CLEC6A: variants seen among roughly 807,000 people sequenced by gnomAD.
CLEC6A encodes C-type lectin domain family 6 member A.
A neutral mutation model predicts 25.7 loss-of-function variants in CLEC6A; 22 were observed. The ratio of observed to expected loss-of-function variants is 0.85; its 90% CI spans 0.61 to 1.22. CLEC6A has a LOEUF of 1.22. Among genes scored for constraint, CLEC6A ranks in the 50% most tolerant of loss-of-function variants. The pLI is 0.00. For synonymous variants in CLEC6A, 92 were observed against 76.7 expected (o/e 1.20, Z -1.04); for missense variants, 240 against 236.8 (o/e 1.01, Z -0.09).
chr12:8,460,557 TC>T, intron 3 of CLEC6A: 1 of 830,950 alleles, frequency 1.2e-6, no homozygotes, highest in Non-Finnish European at 2.0e-6. Context: ...ACCATATCAG[TC>T]AGCTTCATGG....
chr12:8,463,972 G>A (rs994731020), intron 3 of CLEC6A, among the ~76,000 whole-genome samples: 18 of 152,080 alleles, frequency 1.2e-4, no homozygotes, highest in African/African-American at 4.1e-4. Context: ...AGCTCAACTG[G>A]CAAAGTCAGT....
chr12:8,459,758 G>A, intron 3 of CLEC6A, 60 bp downstream of exon 3: 1 of 1,051,436 alleles, frequency 9.5e-7, no homozygotes, highest in Non-Finnish European at 1.5e-6. Context: ...TCAGGGTTGA[G>A]CTCAAGATTG....
chr12:8,465,490 G>A lies in CLEC6A; in HGVS notation c.230G>A (p.Gly77Glu), dbSNP rs776380958. 1 of 1,613,846 alleles carries A rather than the reference G, an allele frequency of 6.2e-7. No homozygotes were observed. The highest frequency in any genetic ancestry group is 8.5e-7 in the Non-Finnish European group (1 of 1,179,916). The change falls in exon 4 of 6, where the codon GGA becomes GAA. Residue 77 changes from glycine (G) to glutamate (E), a missense_variant. Gly to Glu is a moderately conservative substitution (Grantham distance 98, BLOSUM62 -2). Transcript: ENST00000382073. The part of the protein sequence containing the change: ...FSEGTKVPAW[G>E]CCPASWKSFG... Reference sequence around the variant, plus strand: ...TCATGTAACACAAAAATAGCCTGGGGATGTTGCCCAGCTTCTTGGAAGTCA... The same window carrying A: ...TCATGTAACACAAAAATAGCCTGGGAATGTTGCCCAGCTTCTTGGAAGTCA...
chr12:8,475,696 G>C (rs897493522), intron 4 of CLEC6A, among the ~76,000 whole-genome samples: 1 of 152,160 alleles, frequency 6.6e-6, no homozygotes, highest in South Asian at 2.1e-4. Flanking sequence ...ACACTGGGGA[G>C]GGCAATCTAC....
intron 3 of CLEC6A, among the ~76,000 whole-genome samples, chr12:8,462,175 A>G (rs1939765681): frequency 6.6e-6 from 1 of 151,238 alleles, no homozygotes; most frequent in Non-Finnish European, 1.5e-5. Flanking sequence ...CATGCTCCTT[A>G]AGAGTCATCA....
intron 3 of CLEC6A, among the ~76,000 whole-genome samples, chr12:8,464,480 C>T (rs945613078): frequency 6.6e-6 from 1 of 152,158 alleles, no homozygotes; most frequent in East Asian, 1.9e-4. Flanking sequence ...AGGCGTCCGC[C>T]ACCACACCTG....
At chr12:8,459,141 A>C (rs1939717238) in intron 2 of CLEC6A, among the ~76,000 whole-genome samples, 1 of 152,138 alleles carries the variant, frequency 6.6e-6, no homozygotes, top group African/African-American at 2.4e-5. Flanking sequence ...TTTATTGATG[A>C]CTTTGTGACA....
At chr12:8,457,875 T>C (rs1939698500) in intron 1 of CLEC6A, 23 bp from the exon 2 acceptor site, 5 of 1,597,268 alleles carry the variant, frequency 3.1e-6, no homozygotes, top group Non-Finnish European at 4.3e-6. Context: ...GTAACTGCAT[T>C]TGTTGTCTTC....
At chr12:8,474,568 T>A (rs955753401) in intron 4 of CLEC6A, among the ~76,000 whole-genome samples, 2 of 152,156 alleles carry the variant, frequency 1.3e-5, no homozygotes, top group Non-Finnish European at 2.9e-5. Context: ...CCAGGAAAAC[T>A]TTCTTATTTA....
intron 3 of CLEC6A, among the ~76,000 whole-genome samples, chr12:8,460,332 T>C (rs61922366): frequency 1.3e-5 from 2 of 152,168 alleles, no homozygotes; most frequent in African/African-American, 4.8e-5. Context: ...ACATCTCACA[T>C]GGCAGCAGAC....
intron 4 of CLEC6A, among the ~76,000 whole-genome samples, chr12:8,474,998 A>G (rs920618237): frequency 1.3e-5 from 2 of 152,024 alleles, no homozygotes; most frequent in African/African-American, 2.4e-5. Flanking sequence ...CTCATCATTT[A>G]TATTAGGTAT....
At chr12:8,460,978 G>T (rs548471385) in intron 3 of CLEC6A, 9 of 1,073,868 alleles carry the variant, frequency 8.4e-6, no homozygotes, top group East Asian at 2.4e-5. Context: ...TTCTTACTGC[G>T]TTGGTGAAGA....
intron 1 of CLEC6A, among the ~76,000 whole-genome samples, 177 bp from the exon 2 acceptor site, chr12:8,457,721 A>G (rs4623978): frequency 0.75 from 114,277 of 152,202 alleles, 43,374 homozygotes; most frequent in East Asian, 0.99. Context: ...ATTCTTTTGG[A>G]CCACAGAGCT....
chr12:8,475,494 T>C (rs1203459283), intron 4 of CLEC6A, among the ~76,000 whole-genome samples: 1 of 152,036 alleles, frequency 6.6e-6, no homozygotes, highest in Non-Finnish European at 1.5e-5. Flanking sequence ...GCTGGTGGTG[T>C]AGGTCCAGTT....
chr12:8,475,298 C>T (rs1039126923), intron 4 of CLEC6A, among the ~76,000 whole-genome samples: 23 of 151,732 alleles, frequency 1.5e-4, no homozygotes, highest in African/African-American at 5.3e-4. Flanking sequence ...CACATCTTAG[C>T]AGTCAACGTG....
chr12:8,477,205 C>A, intron 5 of CLEC6A, 115 bp from the exon 6 acceptor site: 1 of 750,220 alleles, frequency 1.3e-6, no homozygotes, highest in Non-Finnish European at 2.1e-6. Context: ...AAGGAACAAT[C>A]ATTGGAATGT....
At position 8,468,893 on chromosome 12, in the gene CLEC6A, A is replaced by G. The variant is rs1277332952; in HGVS notation, c.369+3264A>G. 2.6e-5 allele frequency among the ~76,000 whole-genome samples: 4 copies of G among 152,040 alleles called. No homozygotes were observed. In the South Asian group the frequency reaches 8.3e-4, roughly 32 times the overall value. ...GAACTGAAACAAGACAAGGATGCCC[A>G]CTCTTACCATTTTTATTCAACATAG... On this transcript the variant is annotated intron_variant, in intron 4 of 5. Transcript: ENST00000382073.
At chr12:8,467,450 T>C (rs1218417848) in intron 4 of CLEC6A, among the ~76,000 whole-genome samples, 1 of 152,234 alleles carries the variant, frequency 6.6e-6, no homozygotes, top group Non-Finnish European at 1.5e-5. Context: ...AGAGAGATTG[T>C]CTTTCCCCAT....
chr12:8,460,691 T>C, intron 3 of CLEC6A: 1 of 1,498,466 alleles, frequency 6.7e-7, no homozygotes, highest in African/African-American at 1.4e-5. Flanking sequence ...CTTCTGAGGG[T>C]CCGCTGCTGG....
Sources: allele counts gnomAD v4.1 joint callset (sites outside exome capture counted in the v4.1 genomes callset), GRCh38; gene constraint gnomAD v4.1.1; transcripts MANE v1.5; gene names NCBI Gene and HGNC (gene_info 2026-07-23, HGNC 2026-07-21).